The following WAPL variants were observed in gnomAD, a reference collection of about 807,000 sequenced individuals.
WAPL encodes wings apart-like protein homolog.
Under a neutral mutation model 121.0 loss-of-function variants are expected in WAPL, and 5 were observed. The observed-to-expected ratio is 0.04, with a 90% CI of 0.02 to 0.09. The LOEUF is 0.09. Ranked by LOEUF, WAPL falls within the 10% of genes least tolerant of loss-of-function variation. The pLI is 1.00. For synonymous variants in WAPL, 480 were observed against 481.5 expected (o/e 1.00, Z 0.04); for missense variants, 999 against 1,410.8 (o/e 0.71, Z 4.68).
At chr10:86,453,529 A>G (rs1841052690) in intron 13 of WAPL, 127 bp downstream of exon 13, 2 of 1,254,550 alleles carry the variant, frequency 1.6e-6, no homozygotes, top group African/African-American at 1.5e-5. Context: ...AAACCTACAC[A>G]TGAGTAAGTC....
chr10:86,495,357 T>C (rs1430396980), intron 4 of WAPL, among the ~76,000 whole-genome samples: 1 of 151,828 alleles, frequency 6.6e-6, no homozygotes, highest in Non-Finnish European at 1.5e-5. Flanking sequence ...GTCCCAGCTA[T>C]TTAGGAGTCT....
chr10:86,446,119 G>C lies in WAPL; in HGVS notation c.3322+123C>G, dbSNP rs536006059. ...TTAAGTATCAAAGCTTGTCTGGACT[G>C]AACTAGAGAGGTCCTCAAGCAATAG... On this transcript the variant is annotated intron_variant, in intron 16 of 18. Coordinates refer to ENST00000298767, the MANE Select transcript of WAPL (RefSeq NM_015045.5). The C allele has an allele frequency of 4.7e-6, 5 of 1,063,788 alleles. No individual in the cohort carries two copies. In the South Asian group the frequency reaches 6.0e-5, roughly 13 times the overall value. The allele number at this position is 1,063,788 out of a possible 1,614,324, so 65.9% of individuals were successfully genotyped here.
At chr10:86,492,394 G>T (rs1842068199) in intron 4 of WAPL, among the ~76,000 whole-genome samples, 1 of 152,166 alleles carries the variant, frequency 6.6e-6, no homozygotes, top group African/African-American at 2.4e-5. Flanking sequence ...ATGGGGAACA[G>T]GGCATGCACG....
chr10:86,465,124 T>C (rs958075706), intron 9 of WAPL, among the ~76,000 whole-genome samples: 1 of 152,238 alleles, frequency 6.6e-6, no homozygotes, highest in Non-Finnish European at 1.5e-5. Context: ...CTATAAATTT[T>C]TGTGGCACAT....
chr10:86,448,264 T>C (rs576665518), intron 15 of WAPL, among the ~76,000 whole-genome samples: 1 of 151,868 alleles, frequency 6.6e-6, no homozygotes, highest in Non-Finnish European at 1.5e-5. Flanking sequence ...ATCACTTGAG[T>C]GCAAGAGTTT....
chr10:86,465,338 TGG>T (rs1310152957), intron 9 of WAPL, among the ~76,000 whole-genome samples: 2 of 152,124 alleles, frequency 1.3e-5, no homozygotes, highest in Non-Finnish European at 1.5e-5. Context: ...CCCAAGTAGC[TGG>T]GAATACAGGC....
At chr10:86,457,365 A>C (rs1841174742) in intron 12 of WAPL, among the ~76,000 whole-genome samples, 1 of 150,632 alleles carries the variant, frequency 6.6e-6, no homozygotes, top group Admixed American at 6.6e-5. Flanking sequence ...AAATATATAT[A>C]AAATAGGCCA....
At chr10:86,464,028 A>G (rs1007346016) in intron 9 of WAPL, among the ~76,000 whole-genome samples, 6 of 152,252 alleles carry the variant, frequency 3.9e-5, no homozygotes, top group Non-Finnish European at 8.8e-5. Flanking sequence ...TTTTTAGAGC[A>G]TATCTGTCAT....
intron 2 of WAPL, among the ~76,000 whole-genome samples, chr10:86,511,699 G>A (rs1842466073): frequency 6.6e-6 from 1 of 152,126 alleles, no homozygotes; most frequent in South Asian, 2.1e-4. Flanking sequence ...TTCGGGAGGT[G>A]GAGGCAGGAG....
intron 8 of WAPL, 102 bp from the exon 9 acceptor site, chr10:86,467,608 C>G: frequency 1.2e-6 from 1 of 853,950 alleles, no homozygotes; most frequent in African/African-American, 1.7e-5. Flanking sequence ...CAAGTTAATG[C>G]TTAAAACTTA....
chr10:86,471,610 A>T (rs1682815071), intron 7 of WAPL, among the ~76,000 whole-genome samples: 1 of 150,520 alleles, frequency 6.6e-6, no homozygotes, highest in Non-Finnish European at 1.5e-5. Flanking sequence ...AAAAGAACTT[A>T]AAAGATTTTT....
chr10:86,519,618 C>A (rs1438774577), intron 1 of WAPL, among the ~76,000 whole-genome samples: 1 of 152,178 alleles, frequency 6.6e-6, no homozygotes, highest in Non-Finnish European at 1.5e-5. Flanking sequence ...TCTTCCACTG[C>A]AGCTCTAACA....
chr10:86,517,269 T>C (rs1842573044), intron 2 of WAPL, among the ~76,000 whole-genome samples: 1 of 152,212 alleles, frequency 6.6e-6, no homozygotes. Context: ...AGAAATGAGA[T>C]ACTTTGTGAT....
chr10:86,467,020 T>C (rs1841414364), intron 9 of WAPL: 1 of 361,298 alleles, frequency 2.8e-6, no homozygotes, highest in Non-Finnish European at 5.1e-6. Flanking sequence ...TCTTAAAAAA[T>C]AAAGAGAAAA....
At chr10:86,466,417 A>T (rs1260375741) in intron 9 of WAPL, among the ~76,000 whole-genome samples, 1 of 152,078 alleles carries the variant, frequency 6.6e-6, no homozygotes, top group African/African-American at 2.4e-5. Context: ...TAAAAATACA[A>T]AAGTTAGCCA....
At chr10:86,487,586 T>C (rs1041064691) in intron 4 of WAPL, among the ~76,000 whole-genome samples, 4 of 152,108 alleles carry the variant, frequency 2.6e-5, no homozygotes, top group African/African-American at 7.2e-5. Context: ...CAGACACGTA[T>C]GCTTAAGAGT....
chr10:86,497,106 TATG>T lies in WAPL; in HGVS notation c.1644+92_1644+94del, dbSNP rs1842164307. 3.4e-5 allele frequency: 34 copies of T among 1,006,922 alleles called. 1 individual carries two copies. The South Asian group carries it at 5.0e-4, about 15-fold the overall frequency. 62.4% of individuals were successfully genotyped at this position (1,006,922 alleles called of 1,614,324 possible). ...CACATATCCTTTGAAAGACAGTTGC[TATG>T]ATGTTTATTAGTAACTTTCAAATAA... On this transcript the variant is annotated intron_variant, in intron 4 of 18. Transcript: ENST00000298767.
chr10:86,463,207 CTTG>C (rs1330837817), intron 9 of WAPL, among the ~76,000 whole-genome samples: 4 of 152,356 alleles, frequency 2.6e-5, no homozygotes, highest in African/African-American at 9.6e-5. Context: ...ACAAGGATCA[CTTG>C]AACCCAGAAA....
intron 1 of WAPL, among the ~76,000 whole-genome samples, chr10:86,520,763 ATT>A (rs1319968910): frequency 1.5e-5 from 1 of 64,736 alleles, no homozygotes; most frequent in African/African-American, 7.3e-5. Flanking sequence ...GTGCGCTGTG[ATT>A]TAAAAAAAAA....
Sources: allele counts gnomAD v4.1 joint callset (sites outside exome capture counted in the v4.1 genomes callset), GRCh38; gene constraint gnomAD v4.1.1; transcripts MANE v1.5; gene names NCBI Gene and HGNC (gene_info 2026-07-23, HGNC 2026-07-21).